IL27RA: variants seen among roughly 807,000 people sequenced by gnomAD.
The protein encoded by IL27RA is interleukin 27 receptor subunit alpha, also known as interleukin-27 receptor subunit alpha.
A neutral mutation model predicts 80.8 loss-of-function variants in IL27RA; 61 were observed. That is an observed-to-expected ratio of 0.76 (90% CI 0.61 to 0.93). The LOEUF (loss-of-function observed/expected upper bound fraction) is 0.93, where lower values mean the gene tolerates loss of function less well. IL27RA is among the 40% of genes least tolerant of loss of function. The pLI is 0.00. For synonymous variants in IL27RA, 316 were observed against 332.5 expected, an observed-to-expected ratio of 0.95 and a Z score of 0.54; for missense variants, 735 against 808.1, an observed-to-expected ratio of 0.91 and a Z score of 1.10.
intron 2 of IL27RA, among the ~76,000 whole-genome samples, chr19:14,038,236 G>C (rs1975934301): frequency 1.3e-5 from 2 of 151,882 alleles, no homozygotes; most frequent in African/African-American, 4.8e-5. Flanking sequence ...TCAACCTCCT[G>C]GGCTCAATCG....
chr19:14,041,427 C>G (rs1480406499), intron 4 of IL27RA, among the ~76,000 whole-genome samples: 5 of 152,012 alleles, frequency 3.3e-5, no homozygotes, highest in African/African-American at 1.2e-4. Context: ...TCTCGAACTC[C>G]TGACCTCAGG....
chr19:14,041,025 T>C (rs1169999075), intron 4 of IL27RA, among the ~76,000 whole-genome samples: 1 of 148,196 alleles, frequency 6.7e-6, no homozygotes, highest in Non-Finnish European at 1.5e-5. Context: ...TGCCTCAGCC[T>C]CCCGAGTAGC....
chr19:14,032,035 T>C, intron 1 of IL27RA, 63 bp downstream of exon 1: 1 of 1,410,968 alleles, frequency 7.1e-7, no homozygotes. Context: ...AAGGCGCCAG[T>C]GCTCCAGGAT....
intron 2 of IL27RA, among the ~76,000 whole-genome samples, chr19:14,033,737 C>T (rs529257696): frequency 2.2e-3 from 330 of 151,638 alleles, no homozygotes; most frequent in Non-Finnish European, 3.3e-3. Flanking sequence ...GAGGCCGAGG[C>T]GGGCAGATCA....
Position 14,051,967 on chromosome 19 carries a change from C to T in IL27RA, c.1710C>T (p.His570=), listed in dbSNP as rs1241348472. Residue 570 remains histidine (H), a synonymous_variant, in exon 13 of 14, where the codon CAC becomes CAT. Transcript: ENST00000263379. ...DPANSSSGQP[H]MEQVPEAQPL... ...CCAACAGCAGTTCAGGCCAGCCCCA[C>T]ATGGAGGTGAGTCAAAGGGCCGGCT... 35 of 1,584,354 alleles carry T rather than the reference C, an allele frequency of 2.2e-5. No homozygotes were observed. Among genetic ancestry groups the T allele is most frequent in the Non-Finnish European group, 2.8e-5 (33 of 1,164,386 alleles).
rs1451907666 is a variant in IL27RA, at chr19:14,052,243, G to A, written c.1864G>A (p.Glu622Lys). 1.3e-6 allele frequency: 2 copies of A among 1,568,904 alleles called. No individual in the cohort carries two copies. Among genetic ancestry groups the A allele is most frequent in the East Asian group, 2.2e-5 (1 of 44,548 alleles). Reference sequence around the variant, plus strand: ...TGAGAAGCACTTCCTGCCCACACCTGAGGAGCTGGGCCTTCTGGGGCCCCC... The same window carrying A: ...TGAGAAGCACTTCCTGCCCACACCTAAGGAGCTGGGCCTTCTGGGGCCCCC... The part of the protein sequence containing the change: ...GYEKHFLPTP[E>K]ELGLLGPPRP... Residue 622 changes from glutamate to lysine, a missense_variant, in exon 14 of 14, where the codon GAG becomes AAG. Transcript: ENST00000263379.
At chr19:14,038,022 G>T (rs111804708) in intron 2 of IL27RA, among the ~76,000 whole-genome samples, 3 of 151,958 alleles carry the variant, frequency 2.0e-5, no homozygotes, top group Admixed American at 6.6e-5. Flanking sequence ...GTAGAGACGG[G>T]GGTTTCACCG....
intron 6 of IL27RA, 40 bp from the exon 7 acceptor site, chr19:14,046,114 T>G (rs1008725119): frequency 1.9e-6 from 3 of 1,580,184 alleles, no homozygotes; most frequent in Middle Eastern, 1.7e-4. Context: ...TGTGCGTGAT[T>G]AATGGGAGAC....
At position 14,050,752 on chromosome 19, in the gene IL27RA, C is replaced by T; in HGVS notation, c.1403-6C>T. 6.2e-7 allele frequency: 1 copy of T among 1,608,560 alleles called. No individual in the cohort carries two copies. The highest frequency in any genetic ancestry group is 8.5e-7 in the Non-Finnish European group (1 of 1,175,924). On this transcript the variant is annotated splice_region_variant and splice_polypyrimidine_tract_variant and intron_variant, in intron 10 of 13. Transcript: ENST00000263379. Reference sequence around the variant, plus strand: ...CCTCCCCAACTTCTTTGGTTGTGTTCTCCAGTGAGTGGCAACACACAGAGT... The same window carrying T: ...CCTCCCCAACTTCTTTGGTTGTGTTTTCCAGTGAGTGGCAACACACAGAGT...
At chr19:14,047,192 TACC>T (rs995672659) in intron 8 of IL27RA, among the ~76,000 whole-genome samples, 2 of 147,670 alleles carry the variant, frequency 1.4e-5, no homozygotes, top group African/African-American at 5.0e-5. Flanking sequence ...TATGGGAGCG[TACC>T]ACCACAATCG....
chr19:14,033,685 A>AAGAT (rs58965864), intron 2 of IL27RA, among the ~76,000 whole-genome samples: 50,093 of 149,470 alleles, frequency 0.34, 11,660 homozygotes, highest in African/African-American at 0.66. Context: ...TAAAAAATAA[A>AAGAT]AGCTGGCGTG....
intron 2 of IL27RA, among the ~76,000 whole-genome samples, chr19:14,038,381 C>A (rs527495502): frequency 6.6e-6 from 1 of 152,004 alleles, no homozygotes; most frequent in African/African-American, 2.4e-5. Flanking sequence ...TAGAGGAGAC[C>A]AGCCTGGGCA....
Position 14,050,796 on chromosome 19 carries a change from C to T in IL27RA, c.1441C>T (p.Pro481Ser), listed in dbSNP as rs200391665. ...NTQSVTLPDLPWGPCELWVTA... is the reference protein window; with the variant it reads ...NTQSVTLPDLSWGPCELWVTA... The stretch of plus-strand genomic sequence containing the variant: ...ACAGAGTGTCACCCTGCCTGACCTT[C>T]CTTGGGGTCCCTGTGAGCTGTGGGT... Residue 481 changes from proline to serine, a missense_variant, in exon 11 of 14, where the codon CCT becomes TCT. By Grantham distance (74) the Pro-to-Ser change is moderately conservative. Coordinates refer to ENST00000263379, the MANE Select transcript of IL27RA (RefSeq NM_004843.4). 2.5e-6 allele frequency: 4 copies of T among 1,613,682 alleles called. No homozygotes were observed. In the African/African-American group the frequency reaches 4.0e-5, roughly 16 times the overall value.
Position 14,051,555 on chromosome 19 carries a change from AAAAAT to A in IL27RA, c.1529-37_1529-33del, listed in dbSNP as rs970350675. On this transcript the variant is annotated intron_variant, in intron 11 of 13. Coordinates refer to ENST00000263379, the MANE Select transcript of IL27RA (RefSeq NM_004843.4). Reference sequence around the variant, plus strand: ...AGACTCTGTCTCAAAAATAAAAATAAAAAATAAAATAAAATAAAAAATTAAGAATG... The same window carrying A: ...AGACTCTGTCTCAAAAATAAAAATAAAAAATAAAATAAAAAATTAAGAATG... 4.5e-5 allele frequency: 49 copies of A among 1,086,752 alleles called. 1 individual carries two copies. The South Asian group carries it at 7.5e-4, about 17-fold the overall frequency. The allele number at this position is 1,086,752 out of a possible 1,614,324, so 67.3% of individuals were successfully genotyped here.
At chr19:14,050,041 T>G (rs1289734799) in intron 10 of IL27RA, among the ~76,000 whole-genome samples, 1 of 151,068 alleles carries the variant, frequency 6.6e-6, no homozygotes, top group Non-Finnish European at 1.5e-5. Flanking sequence ...ATACAAAAAT[T>G]AGCCAGGCAT....
intron 2 of IL27RA, among the ~76,000 whole-genome samples, chr19:14,037,866 C>G (rs371903137): frequency 9.6e-5 from 13 of 134,720 alleles, no homozygotes; most frequent in African/African-American, 3.6e-4. Flanking sequence ...GAGTCTTGCT[C>G]TGTTGCCAGG....
At chr19:14,048,295 AATT>A (rs199583834) in intron 8 of IL27RA, among the ~76,000 whole-genome samples, 4,420 of 142,414 alleles carry the variant, frequency 0.031, 221 homozygotes, top group African/African-American at 0.12. Context: ...TAAATAAATT[AATT>A]AATTAATGAA....
Position 14,031,803 on chromosome 19 carries a change from T to C in IL27RA, c.-70T>C. 1.5e-6 allele frequency: 2 copies of C among 1,331,946 alleles called. No homozygotes were observed. The highest frequency in any genetic ancestry group is 2.1e-6 in the Non-Finnish European group (2 of 972,078). 82.5% of individuals were successfully genotyped at this position (1,331,946 alleles called of 1,614,324 possible). On this transcript the variant is annotated 5_prime_UTR_variant, in exon 1 of 14. Transcript: ENST00000263379. ...CCGCCTCGGGCGCTGTACCCAGAGC[T>C]CGAAGAGGAGCAGCGCGGCCGCGCG...
intron 10 of IL27RA, among the ~76,000 whole-genome samples, 174 bp from the exon 11 acceptor site, chr19:14,050,584 G>A (rs1013429352): frequency 5.3e-5 from 8 of 152,082 alleles, no homozygotes; most frequent in African/African-American, 1.4e-4. Context: ...CAAATAGAGC[G>A]GGGTCAAGGA....
Sources: allele counts gnomAD v4.1 joint callset (sites outside exome capture counted in the v4.1 genomes callset), GRCh38; gene constraint gnomAD v4.1.1; transcripts MANE v1.5; gene names NCBI Gene and HGNC (gene_info 2026-07-23, HGNC 2026-07-21).